Variants in MYO10 observed in about 807,000 individuals in gnomAD.
MYO10 encodes unconventional myosin-X.
A neutral mutation model predicts 257.3 loss-of-function variants in MYO10; 133 were observed. The observed-to-expected ratio is 0.52, with a 90% CI of 0.45 to 0.60. The LOEUF is 0.60. Ranked by LOEUF, MYO10 falls within the 20% of genes least tolerant of loss-of-function variation. MYO10 has a pLI of 0.00. For synonymous variants in MYO10, 1,104 were observed against 1,028.6 expected (o/e 1.07, Z -1.40); for missense variants, 2,399 against 2,635.7 (o/e 0.91, Z 1.97).
chr5:16,862,889 G>A (rs891163), intron 2 of MYO10, among the ~76,000 whole-genome samples: 31,747 of 152,034 alleles, frequency 0.21, 3,449 homozygotes, highest in African/African-American at 0.26. Context: ...TGCCAGTCAT[G>A]GGAAAAATCT....
At chr5:16,690,397 C>A (rs924386858) in intron 27 of MYO10, among the ~76,000 whole-genome samples, 3 of 152,092 alleles carry the variant, frequency 2.0e-5, no homozygotes, top group Non-Finnish European at 2.9e-5. Flanking sequence ...AATGGTTTTT[C>A]TTTTAGCAAT....
In MYO10 at chr5:16,705,201, T is replaced by C. The variant is rs575495596; in HGVS notation, c.2170-516A>G. ...CTGCTATGTGATTACAATCAGAGTA[T>C]CTTGGCTTCAAAAACTTAAATGCAC... On this transcript the variant is annotated intron_variant, in intron 21 of 40. Transcript: ENST00000513610. Among the ~76,000 whole-genome samples, 4 of 152,340 alleles carry C rather than the reference T, an allele frequency of 2.6e-5. No individual in the cohort carries two copies. In the East Asian group the frequency reaches 5.8e-4, roughly 22 times the overall value.
chr5:16,795,681 A>G (rs1291481885), intron 3 of MYO10, among the ~76,000 whole-genome samples: 1 of 151,740 alleles, frequency 6.6e-6, no homozygotes, highest in Admixed American at 6.6e-5. Context: ...TTTATTTTTA[A>G]TTTTTTTTGT....
At chr5:16,764,120 C>G (rs1740798593) in intron 12 of MYO10, 130 bp downstream of exon 12, 1 of 1,077,250 alleles carries the variant, frequency 9.3e-7, no homozygotes, top group Admixed American at 2.3e-5. Context: ...GCACTCCAGC[C>G]TGGGATACAG....
At chr5:16,835,397 G>A (rs1743281143) in intron 2 of MYO10, among the ~76,000 whole-genome samples, 1 of 151,246 alleles carries the variant, frequency 6.6e-6, no homozygotes, top group South Asian at 2.1e-4. Flanking sequence ...GCCGGGCGTT[G>A]TGGAGCATGC....
At chr5:16,854,645 A>G (rs1381350313) in intron 2 of MYO10, among the ~76,000 whole-genome samples, 3 of 152,234 alleles carry the variant, frequency 2.0e-5, no homozygotes, top group African/African-American at 7.2e-5. Context: ...TAATTTCACA[A>G]TTCTGTGACT....
intron 22 of MYO10, 50 bp downstream of exon 22, chr5:16,704,529 G>A (rs768894796): frequency 2.0e-6 from 3 of 1,481,806 alleles, no homozygotes; most frequent in African/African-American, 2.8e-5. Flanking sequence ...GGGAAGGAAG[G>A]ACCCCCTCAT....
chr5:16,893,857 G>C (rs1187553868), intron 1 of MYO10, among the ~76,000 whole-genome samples: 1 of 152,012 alleles, frequency 6.6e-6, no homozygotes, highest in Non-Finnish European at 1.5e-5. Context: ...AAATTGGAGG[G>C]GACTCTTCTC....
At chr5:16,749,443 C>A (rs536069292) in intron 19 of MYO10, among the ~76,000 whole-genome samples, 2 of 150,056 alleles carry the variant, frequency 1.3e-5, no homozygotes, top group African/African-American at 4.9e-5. Flanking sequence ...ACTGAGATTG[C>A]GCCACTGCAC....
chr5:16,683,079 G>T (rs928246359), intron 30 of MYO10, among the ~76,000 whole-genome samples: 9 of 152,144 alleles, frequency 5.9e-5, no homozygotes, highest in Non-Finnish European at 1.0e-4. Context: ...TAAAAACAAA[G>T]GACCCATGGT....
chr5:16,877,330 A>G (rs1486451018), intron 2 of MYO10, among the ~76,000 whole-genome samples: 3 of 152,246 alleles, frequency 2.0e-5, no homozygotes, highest in Admixed American at 2.0e-4. Flanking sequence ...AGATGAAAGA[A>G]GGCAGAAAAG....
At chr5:16,682,081 C>T (rs1372019541) in intron 30 of MYO10, 68 bp from the exon 31 acceptor site, 12 of 1,545,482 alleles carry the variant, frequency 7.8e-6, no homozygotes, top group African/African-American at 1.4e-5. Flanking sequence ...CTGTGTGAAC[C>T]GAGACTCAGT....
chr5:16,898,093 C>T (rs1745264462), intron 1 of MYO10, among the ~76,000 whole-genome samples: 1 of 152,086 alleles, frequency 6.6e-6, no homozygotes. Flanking sequence ...CAAGTATGGA[C>T]AGTTCTACTT....
At chr5:16,693,809 A>C (rs7733988) in intron 27 of MYO10, among the ~76,000 whole-genome samples, 1 of 152,026 alleles carries the variant, frequency 6.6e-6, no homozygotes, top group Non-Finnish European at 1.5e-5. Flanking sequence ...ATAGGCCCTC[A>C]ATAGTCCAAA....
chr5:16,856,878 T>A (rs1312259125), intron 2 of MYO10, among the ~76,000 whole-genome samples: 1 of 152,182 alleles, frequency 6.6e-6, no homozygotes, highest in Non-Finnish European at 1.5e-5. Flanking sequence ...CCAGGTGGCA[T>A]GGACAATGGG....
intron 19 of MYO10, among the ~76,000 whole-genome samples, chr5:16,733,856 G>A (rs529920937): frequency 5.3e-5 from 8 of 152,210 alleles, no homozygotes; most frequent in East Asian, 1.9e-4. Context: ...ACGAGTTGAC[G>A]GCTCGGCATC....
intron 1 of MYO10, among the ~76,000 whole-genome samples, chr5:16,917,311 T>C (rs1745849828): frequency 6.6e-6 from 1 of 152,174 alleles, no homozygotes; most frequent in Non-Finnish European, 1.5e-5. Context: ...GAGGGAAGAT[T>C]CTTGTAAGTC....
rs868753258 is a variant in MYO10 at position 16,676,097 on chromosome 5, G to A, written c.4600C>T (p.Arg1534Ter). Residue 1534 changes from arginine to a stop codon, truncating the protein, a stop_gained, in exon 34 of 41, where the codon CGA becomes TGA. Transcript: ENST00000513610. LOFTEE classifies it high-confidence loss of function. Reference sequence around the variant, plus strand: ...GAGTGCAAGGGGTGATGGGTGTATCGAAGGATCGGGTTCCGCTTGTAAATC... The same window carrying A: ...GAGTGCAAGGGGTGATGGGTGTATCAAAGGATCGGGTTCCGCTTGTAAATC... The part of the protein sequence containing the change: ...EQIYKRNPIL[R>*]YTHHPLHSPL... The A allele has an allele frequency of 1.9e-6, 3 of 1,613,480 alleles. No individual in the cohort carries two copies. Among genetic ancestry groups the A allele is most frequent in the Non-Finnish European group, 2.5e-6 (3 of 1,179,722 alleles).
At chr5:16,735,019 A>G (rs981332848) in intron 19 of MYO10, among the ~76,000 whole-genome samples, 1 of 152,170 alleles carries the variant, frequency 6.6e-6, no homozygotes, top group African/African-American at 2.4e-5. Context: ...AACTAAAGTG[A>G]CAAACCAATG....
Sources: gnomAD v4.1 joint callset for allele counts (sites outside exome capture counted in the v4.1 genomes callset) on GRCh38, gnomAD v4.1.1 for gene constraint, MANE v1.5 for transcripts, NCBI Gene and HGNC (gene_info 2026-07-23, HGNC 2026-07-21) for gene names.